Variants in ADNP observed in about 807,000 individuals in gnomAD.
ADNP encodes the protein activity dependent neuroprotector homeobox.
ADNP carries 4 observed loss-of-function variants against 84.9 expected under a neutral mutation model. That is an observed-to-expected ratio of 0.05 (90% CI 0.02 to 0.11). The LOEUF is 0.11. Ranked by LOEUF, ADNP falls within the 10% of genes least tolerant of loss-of-function variation. The pLI is 1.00. For synonymous variants in ADNP, 554 were observed against 468.1 expected, an observed-to-expected ratio of 1.18 and a Z score of -2.37; for missense variants, 1,132 against 1,326.0, an observed-to-expected ratio of 0.85 and a Z score of 2.27.
At chr20:50,898,115 C>CT (rs1209162229) in intron 5 of ADNP, among the ~76,000 whole-genome samples, 1 of 152,196 alleles carries the variant, frequency 6.6e-6, no homozygotes, top group Non-Finnish European at 1.5e-5. Context: ...TTTCAGGCAT[C>CT]TGTTTCCAGA....
At chr20:50,897,156 G>C (rs1981490436) in intron 5 of ADNP, among the ~76,000 whole-genome samples, 1 of 152,074 alleles carries the variant, frequency 6.6e-6, no homozygotes, top group African/African-American at 2.4e-5. Flanking sequence ...GGCCAGGCTG[G>C]TCTTGAACTC....
chr20:50,892,600 C>G lies in ADNP; in HGVS notation c.2114G>C (p.Arg705Pro). Residue 705 changes from arginine (R) to proline (P), a missense_variant, in exon 6 of 6, where the codon CGG (arginine) becomes CCG (proline). Around this residue, in one of 10 missense-constraint regions of ADNP, gnomAD observed 101 missense variants for 78.5 expected, o/e 1.29. Coordinates refer to ENST00000621696, the MANE Select transcript of ADNP (RefSeq NM_001282531.3). ...NGQDKTNAPS[R>P]LNQSPSLAPV... ...TGCCAGACTTGGAGACTGATTAAGC[C>G]GAGAGGGTGCATTTGTCTTATCCTG... The G allele has an allele frequency of 6.2e-7, 1 of 1,614,100 alleles. No individual in the cohort carries two copies.
Position 50,892,313 on chromosome 20 carries a change from C to T in ADNP, c.2401G>A (p.Ala801Thr). Reference protein sequence around the residue: ...ASLWLWKSDIASHFSNKRKKC... With the variant: ...ASLWLWKSDITSHFSNKRKKC... Reference sequence around the variant, plus strand: ...TTCCTTTTGTTACTAAAATGGGAAGCGATGTCACTCTTCCATAACCATAAA... The same window carrying T: ...TTCCTTTTGTTACTAAAATGGGAAGTGATGTCACTCTTCCATAACCATAAA... The change falls in exon 6 of 6, where the codon GCT (alanine) becomes ACT (threonine). Residue 801 changes from alanine to threonine, a missense_variant. By Grantham distance (58) the Ala-to-Thr change is moderately conservative. Transcript: ENST00000621696. The T allele has an allele frequency of 3.7e-6, 6 of 1,614,156 alleles. No homozygotes were observed. The highest frequency in any genetic ancestry group is 1.1e-5 in the South Asian group (1 of 91,072).
At position 50,891,342 on chromosome 20, in the gene ADNP, C is replaced by A; in HGVS notation, c.*63G>T. On this transcript the variant is annotated 3_prime_UTR_variant, in exon 6 of 6. Coordinates refer to ENST00000621696, the MANE Select transcript of ADNP (RefSeq NM_001282531.3). Reference sequence around the variant, plus strand: ...CAGTACCAGTGAGAAGACAGCTTTGCAGTCACACTGGATATCAGAGTTCCA... The same window carrying A: ...CAGTACCAGTGAGAAGACAGCTTTGAAGTCACACTGGATATCAGAGTTCCA... 1.3e-6 allele frequency: 2 copies of A among 1,493,448 alleles called. No individual in the cohort carries two copies. Among genetic ancestry groups the A allele is most frequent in the South Asian group, 2.7e-5 (2 of 73,862 alleles). The allele number at this position is 1,493,448 out of a possible 1,614,324, so 92.5% of individuals were successfully genotyped here. A position where few individuals can be genotyped will look rare whatever the true frequency, so the allele number is the denominator to read the frequency against.
intron 2 of ADNP, chr20:50,914,056 C>T (rs1983305880): frequency 2.7e-6 from 2 of 745,574 alleles, no homozygotes; most frequent in South Asian, 2.8e-5. Context: ...TACTCCCCTA[C>T]ATCATGCAGC....
chr20:50,890,492 A>T lies in ADNP; in HGVS notation c.*913T>A, dbSNP rs1419000042. On this transcript the variant is annotated 3_prime_UTR_variant, in exon 6 of 6. Transcript: ENST00000621696. Reference sequence around the variant, plus strand: ...ACCATGATGGTGTTGAACTAAAGATAAAACTAAATATCCAAAATGCAGCAC... The same window carrying T: ...ACCATGATGGTGTTGAACTAAAGATTAAACTAAATATCCAAAATGCAGCAC... The T allele has an allele frequency of 6.6e-6, 1 of 152,668 alleles. No individual in the cohort carries two copies. Among genetic ancestry groups the T allele is most frequent in the African/African-American group, 2.4e-5 (1 of 41,462 alleles). 9.5% of individuals were successfully genotyped at this position (152,668 alleles called of 1,614,324 possible). A position where few individuals can be genotyped will look rare whatever the true frequency, so the allele number is the denominator to read the frequency against.
chr20:50,905,647 T>C (rs2122853831), intron 2 of ADNP: 1 of 152,214 alleles, frequency 6.6e-6, no homozygotes, highest in East Asian at 1.9e-4. Flanking sequence ...GGGCCGAAAA[T>C]GAAAAGTATT....
chr20:50,921,907 G>A (rs139964621), intron 2 of ADNP, among the ~76,000 whole-genome samples: 2 of 152,274 alleles, frequency 1.3e-5, no homozygotes, highest in Admixed American at 1.3e-4. Flanking sequence ...GAGGTGAGGA[G>A]CACTTCCCAG....
chr20:50,890,924 G>A lies in ADNP; in HGVS notation c.*481C>T. ...AGTAACAGGATCATGAGCATCACTTGAATAGGTCTAAAAGACTGTACAAAT... is the reference window on the plus strand; with the variant it reads ...AGTAACAGGATCATGAGCATCACTTAAATAGGTCTAAAAGACTGTACAAAT... On this transcript the variant is annotated 3_prime_UTR_variant, in exon 6 of 6. Coordinates refer to ENST00000621696, the MANE Select transcript of ADNP (RefSeq NM_001282531.3). 1 of 985,814 alleles carries A rather than the reference G, an allele frequency of 1.0e-6. No individual in the cohort carries two copies. Among genetic ancestry groups the A allele is most frequent in the Non-Finnish European group, 1.2e-6 (1 of 830,160 alleles). The allele number at this position is 985,814 out of a possible 1,614,324, so 61.1% of individuals were successfully genotyped here.
At position 50,890,131 on chromosome 20, in the gene ADNP, T is replaced by TAAAAAA. The variant is rs150489825; in HGVS notation, c.*1268_*1273dup. 77 of 81,104 alleles carry TAAAAAA rather than the reference T, an allele frequency of 9.5e-4. No individual in the cohort carries two copies. Among genetic ancestry groups the TAAAAAA allele is most frequent in the Middle Eastern group, 5.7e-3 (1 of 176 alleles). 5.0% of individuals were successfully genotyped at this position (81,104 alleles called of 1,614,324 possible). A position where few individuals can be genotyped will look rare whatever the true frequency, so the allele number is the denominator to read the frequency against. On this transcript the variant is annotated 3_prime_UTR_variant, in exon 6 of 6. Coordinates refer to ENST00000621696, the MANE Select transcript of ADNP (RefSeq NM_001282531.3). ...AACTCAAGGGTGTTTGTTTTTCAGT[T>TAAAAAA]AAAAAAAAAAAAAAAAAAAAAAAAA...
chr20:50,921,357 A>AACTTT lies in ADNP; in HGVS notation c.-90+7293_-90+7294insAAAGT, dbSNP rs1390157249. Among the ~76,000 whole-genome samples, 42 of 152,334 alleles carry AACTTT rather than the reference A, an allele frequency of 2.8e-4. 1 individual carries two copies. Among genetic ancestry groups the AACTTT allele is most frequent in the African/African-American group, 8.2e-4 (34 of 41,572 alleles). On this transcript the variant is annotated intron_variant, in intron 2 of 5. Transcript: ENST00000621696. ...TTCATACTCAGGTTTGCATATTCTT[A>AACTTT]ACAAGCTCAGTGACACTTAAAATAT...
chr20:50,930,839 C>G lies in ADNP; in HGVS notation c.-278G>C, dbSNP rs1984686045. 6.8e-6 allele frequency: 1 copy of G among 146,886 alleles called. No homozygotes were observed. Among genetic ancestry groups the G allele is most frequent in the Non-Finnish European group, 1.5e-5 (1 of 65,894 alleles). The allele number at this position is 146,886 out of a possible 1,614,324, so 9.1% of individuals were successfully genotyped here. ...CGCCGGGCTTACCTTGACTCGGCCTCGAGGCGCGCGCGGGGCCGGCGTGCT... is the reference window on the plus strand; with the variant it reads ...CGCCGGGCTTACCTTGACTCGGCCTGGAGGCGCGCGCGGGGCCGGCGTGCT... On this transcript the variant is annotated 5_prime_UTR_variant, in exon 1 of 6. Transcript: ENST00000621696.
chr20:50,896,567 A>AACCAAAAAC (rs1981416721), intron 5 of ADNP, among the ~76,000 whole-genome samples: 2 of 151,640 alleles, frequency 1.3e-5, no homozygotes, highest in African/African-American at 4.8e-5. Flanking sequence ...CTCAAAAAAA[A>AACCAAAAAC]ACCAAAAACT....
At chr20:50,894,873 G>C (rs1209178150) in intron 5 of ADNP, among the ~76,000 whole-genome samples, 3 of 152,108 alleles carry the variant, frequency 2.0e-5, no homozygotes, top group African/African-American at 7.2e-5. Flanking sequence ...CTCCAGCCTG[G>C]GCGACAAGAG....
Position 50,892,858 on chromosome 20 carries a change from A to G in ADNP, c.1856T>C (p.Val619Ala). The G allele has an allele frequency of 6.2e-7, 1 of 1,614,260 alleles. No individual in the cohort carries two copies. The highest frequency in any genetic ancestry group is 8.5e-7 in the Non-Finnish European group (1 of 1,180,046). ...PQAAVPYKKD[V>A]GKTLCPLCFS... ...GCAAAGAGGACAAAGGGTTTTCCCAACATCTTTTTTATAGGGCACTGCAGC... is the reference window on the plus strand; with the variant it reads ...GCAAAGAGGACAAAGGGTTTTCCCAGCATCTTTTTTATAGGGCACTGCAGC... The change falls in exon 6 of 6, where the codon GTT (valine) becomes GCT (alanine). Residue 619 changes from valine to alanine, a missense_variant. By Grantham distance (64) the Val-to-Ala change is moderately conservative. Around this residue, in one of 10 missense-constraint regions of ADNP, gnomAD observed 53 missense variants for 39.8 expected, o/e 1.33. Coordinates refer to ENST00000621696, the MANE Select transcript of ADNP (RefSeq NM_001282531.3).
chr20:50,903,802 C>T, intron 4 of ADNP, 87 bp downstream of exon 4: 1 of 956,770 alleles, frequency 1.0e-6, no homozygotes, highest in Non-Finnish European at 1.6e-6. Context: ...AGAATCACAT[C>T]TAAGATTTAG....
rs56911332 is a variant in ADNP, at chr20:50,913,250, C to CAAAA, written c.-89-8405_-89-8402dup. ...CCTGGGCAAGAGTGAGACTCTGTCT[C>CAAAA]AAAAAAAAAAAAAAAAAAAAAAAAA... On this transcript the variant is annotated intron_variant, in intron 2 of 5. Transcript: ENST00000621696. Among the ~76,000 whole-genome samples, 356 of 42,888 alleles carry CAAAA rather than the reference C, an allele frequency of 8.3e-3. 112 individuals are homozygous for CAAAA. The highest frequency in any genetic ancestry group is 0.012 in the East Asian group (21 of 1,814). The allele number at this position is 42,888 out of a possible 152,430, so 28.1% of individuals were successfully genotyped here.
chr20:50,913,394 A>T (rs930933050), intron 2 of ADNP, among the ~76,000 whole-genome samples: 1 of 152,066 alleles, frequency 6.6e-6, no homozygotes, highest in Non-Finnish European at 1.5e-5. Flanking sequence ...CTATGTAAGA[A>T]TTTCAGATCC....
At chr20:50,923,284 G>A (rs908928346) in intron 2 of ADNP, among the ~76,000 whole-genome samples, 8 of 152,074 alleles carry the variant, frequency 5.3e-5, no homozygotes, top group South Asian at 4.1e-4. Flanking sequence ...ATGCTCTACC[G>A]AAACTACTCA....
Sources: allele counts gnomAD v4.1 joint callset (sites outside exome capture counted in the v4.1 genomes callset), GRCh38; gene constraint gnomAD v4.1.1; regional missense constraint gnomAD v4.1.1; transcripts MANE v1.5; gene names NCBI Gene and HGNC (gene_info 2026-07-23, HGNC 2026-07-21).